The following NRG2 variants were observed in gnomAD, a reference collection of about 807,000 sequenced individuals.
NRG2 encodes the protein neuregulin 2, also known as pro-neuregulin-2, membrane-bound isoform.
A neutral mutation model predicts 73.9 loss-of-function variants in NRG2; 27 were observed. The ratio of observed to expected loss-of-function variants is 0.37; its 90% confidence interval spans 0.27 to 0.50. The LOEUF (loss-of-function observed/expected upper bound fraction) is 0.50. NRG2 is among the 20% of genes least tolerant of loss of function. The pLI, the probability that NRG2 is intolerant of heterozygous loss-of-function variation, is 0.96. For synonymous variants in NRG2, 532 were observed against 541.0 expected, an observed-to-expected ratio of 0.98 and a Z score of 0.23; for missense variants, 1,126 against 1,210.1, an observed-to-expected ratio of 0.93 and a Z score of 1.03.
chr5:139,958,712 T>C (rs146013811), intron 1 of NRG2, among the ~76,000 whole-genome samples: 16 of 152,266 alleles, frequency 1.1e-4, no homozygotes, highest in Non-Finnish European at 1.9e-4. Flanking sequence ...AAGCATGTAA[T>C]AGAAATGGCC....
intron 1 of NRG2, among the ~76,000 whole-genome samples, chr5:139,963,543 C>A (rs766186905): frequency 6.6e-6 from 1 of 152,208 alleles, no homozygotes; most frequent in African/African-American, 2.4e-5. Flanking sequence ...AAGAACTGAG[C>A]CCTATACATA....
At chr5:139,986,665 T>C (rs949793779) in intron 1 of NRG2, among the ~76,000 whole-genome samples, 3 of 152,200 alleles carry the variant, frequency 2.0e-5, no homozygotes, top group Non-Finnish European at 4.4e-5. Context: ...TAAAACATTC[T>C]GTATGATGGA....
rs199663558 is a variant in NRG2, at chr5:139,852,980, G to A, written c.1340C>T (p.Pro447Leu). Residue 447 changes from proline (P) to leucine (L), a missense_variant, in exon 7 of 10, where the codon CCG (proline) becomes CTG (leucine). Coordinates refer to ENST00000361474, the MANE Select transcript of NRG2 (RefSeq NM_004883.3). The surrounding 1 kb of genome is among the most constrained non-coding windows in gnomAD (Gnocchi z 4.4). ...MHNHLRQNMCPAHQNRSLANG... is the reference protein window; with the variant it reads ...MHNHLRQNMCLAHQNRSLANG... Reference sequence around the variant, plus strand: ...GGCCAAGCTCCGGTTCTGATGGGCCGGGCACATGTTCTGCCGGAGGTGGTT... The same window carrying A: ...GGCCAAGCTCCGGTTCTGATGGGCCAGGCACATGTTCTGCCGGAGGTGGTT... 1.1e-4 allele frequency: 178 copies of A among 1,613,348 alleles called. No homozygotes were observed. In the East Asian group the frequency reaches 3.7e-3, roughly 34 times the overall value.
chr5:139,878,633 C>A (rs776400483), intron 3 of NRG2, among the ~76,000 whole-genome samples: 5 of 152,156 alleles, frequency 3.3e-5, no homozygotes, highest in Non-Finnish European at 7.3e-5. Context: ...GTTTTATAAG[C>A]CAATAAATAA....
In NRG2 at chr5:139,851,871, G is replaced by T. The variant is rs1476778880; in HGVS notation, c.1545-40C>A. ...TGGGGTGAGACGAGGGGTCAGGAAGGGGCAGGGCGGCCCAGCAGGTGTGGT... is the reference window on the plus strand; with the variant it reads ...TGGGGTGAGACGAGGGGTCAGGAAGTGGCAGGGCGGCCCAGCAGGTGTGGT... On this transcript the variant is annotated intron_variant, in intron 8 of 9. Transcript: ENST00000361474. The surrounding 1 kb of genome is among the most constrained non-coding windows in gnomAD (Gnocchi z 4.2). The T allele has an allele frequency of 3.8e-6, 6 of 1,586,666 alleles. No homozygotes were observed. Among genetic ancestry groups the T allele is most frequent in the Non-Finnish European group, 5.2e-6 (6 of 1,159,658 alleles).
chr5:140,016,180 G>A (rs767858858), intron 1 of NRG2, among the ~76,000 whole-genome samples: 3 of 152,292 alleles, frequency 2.0e-5, no homozygotes, highest in Non-Finnish European at 4.4e-5. Context: ...TCACTTGTAG[G>A]AGAGGCAGAA....
At chr5:139,958,632 G>GA in intron 1 of NRG2, among the ~76,000 whole-genome samples, 1 of 152,132 alleles carries the variant, frequency 6.6e-6, no homozygotes, top group Middle Eastern at 3.4e-3. Flanking sequence ...ACCAAATATG[G>GA]AAAAAATGAC....
intron 1 of NRG2, among the ~76,000 whole-genome samples, chr5:139,958,752 A>G (rs558994997): frequency 6.6e-6 from 1 of 152,200 alleles, no homozygotes; most frequent in East Asian, 1.9e-4. Flanking sequence ...ATTTCCCACT[A>G]TTTCCTGCCA....
intron 1 of NRG2, among the ~76,000 whole-genome samples, chr5:139,970,416 A>G (rs1755877841): frequency 6.6e-6 from 1 of 152,260 alleles, no homozygotes; most frequent in East Asian, 1.9e-4. Flanking sequence ...AGGACCACCA[A>G]GACTAGAGCA....
intron 1 of NRG2, among the ~76,000 whole-genome samples, chr5:139,996,908 TG>T (rs969544449): frequency 3.4e-4 from 48 of 139,694 alleles, no homozygotes; most frequent in African/African-American, 1.2e-3. Context: ...CCGATGGGGG[TG>T]GGGGGCAGAT....
chr5:139,996,983 A>T (rs1758065866), intron 1 of NRG2, among the ~76,000 whole-genome samples: 1 of 152,078 alleles, frequency 6.6e-6, no homozygotes, highest in Non-Finnish European at 1.5e-5. Flanking sequence ...TCTACTAAAA[A>T]TACAAAAAAT....
chr5:139,933,936 C>T (rs1007490314), intron 1 of NRG2, among the ~76,000 whole-genome samples: 3 of 152,156 alleles, frequency 2.0e-5, no homozygotes, highest in Admixed American at 6.5e-5. Flanking sequence ...TGGTGGCTCA[C>T]GCCTGTAATC....
At chr5:139,882,475 G>T (rs1490728257) in intron 2 of NRG2, among the ~76,000 whole-genome samples, 1 of 152,188 alleles carries the variant, frequency 6.6e-6, no homozygotes, top group South Asian at 2.1e-4. Flanking sequence ...CCTGGCTCAA[G>T]CTGGTCTCTG....
intron 1 of NRG2, among the ~76,000 whole-genome samples, chr5:139,958,992 C>A (rs979285804): frequency 6.6e-6 from 1 of 152,158 alleles, no homozygotes; most frequent in African/African-American, 2.4e-5. Context: ...CCCAGTGTGG[C>A]TTTTACCAGG....
At chr5:139,881,395 T>C (rs1763518092) in intron 2 of NRG2, among the ~76,000 whole-genome samples, 2 of 152,330 alleles carry the variant, frequency 1.3e-5, no homozygotes, top group East Asian at 1.9e-4. Flanking sequence ...TGTTCCCAGA[T>C]ACCCGGGAGG....
At chr5:139,988,629 G>T (rs903197846) in intron 1 of NRG2, among the ~76,000 whole-genome samples, 1 of 151,990 alleles carries the variant, frequency 6.6e-6, no homozygotes, top group African/African-American at 2.4e-5. Flanking sequence ...GTTGCCAGAG[G>T]TTGGGGCAAG....
At chr5:140,015,727 G>A (rs1486189483) in intron 1 of NRG2, among the ~76,000 whole-genome samples, 4 of 152,192 alleles carry the variant, frequency 2.6e-5, no homozygotes, top group Non-Finnish European at 5.9e-5. Context: ...AGGAAGGGAT[G>A]CCTCACTCAG....
chr5:139,956,875 G>A (rs1169197430), intron 1 of NRG2, among the ~76,000 whole-genome samples: 1 of 152,220 alleles, frequency 6.6e-6, no homozygotes, highest in Non-Finnish European at 1.5e-5. Context: ...TCGTGGTACA[G>A]TGGGTGTGCC....
chr5:139,968,194 G>A (rs936851229), intron 1 of NRG2, among the ~76,000 whole-genome samples: 1 of 152,094 alleles, frequency 6.6e-6, no homozygotes, highest in Non-Finnish European at 1.5e-5. Context: ...TACCGAGGCT[G>A]GGCCCAGAAT....
Sources: gnomAD v4.1 joint callset for allele counts (sites outside exome capture counted in the v4.1 genomes callset) on GRCh38, gnomAD v4.1.1 for gene constraint, Gnocchi (gnomAD v3.1) non-coding constraint, MANE v1.5 for transcripts, NCBI Gene and HGNC (gene_info 2026-07-23, HGNC 2026-07-21) for gene names.